AGTPBP1: variants seen among roughly 807,000 people sequenced by gnomAD.
The protein encoded by AGTPBP1 is cytosolic carboxypeptidase 1.
AGTPBP1 carries 70 observed loss-of-function variants against 143.9 expected under a neutral mutation model. The observed-to-expected ratio is 0.49, with a 90% CI of 0.40 to 0.59. The LOEUF is 0.59. Ranked by LOEUF, AGTPBP1 falls within the 20% of genes least tolerant of loss-of-function variation. AGTPBP1 has a pLI of 0.00. For missense variants in AGTPBP1, 1,229 were observed against 1,464.5 expected (o/e 0.84, Z 2.62); for synonymous variants, 463 against 500.2 (o/e 0.93, Z 0.99).
At chr9:85,800,462 C>CA in the AGTPBP1 span, among the ~76,000 whole-genome samples, 4 of 152,312 alleles carry the variant, frequency 2.6e-5, no homozygotes, top group Admixed American at 2.6e-4. Context: ...AGTGATCACT[C>CA]ATCCATCTGC....
chr9:85,740,490 G>A (rs1043981221), intron 1 of AGTPBP1, among the ~76,000 whole-genome samples: 2 of 152,142 alleles, frequency 1.3e-5, no homozygotes, highest in African/African-American at 4.8e-5. Flanking sequence ...GTTTTGTTTG[G>A]TTTTGACATT....
chr9:85,712,396 ATTATAC>A (rs1837436621), intron 2 of AGTPBP1, 100 bp downstream of exon 2: 2 of 540,822 alleles, frequency 3.7e-6, no homozygotes, highest in Non-Finnish European at 6.2e-6. Flanking sequence ...AATATAACAT[ATTATAC>A]TTAAACACAA....
intron 25 of AGTPBP1, among the ~76,000 whole-genome samples, chr9:85,552,379 C>T (rs919414982): frequency 6.6e-6 from 1 of 152,138 alleles, no homozygotes; most frequent in African/African-American, 2.4e-5. Flanking sequence ...AAAAATTCAC[C>T]ATTCTCCCTC....
chr9:85,643,059 A>G lies in AGTPBP1; in HGVS notation c.1186-116T>C, dbSNP rs1434731574. 22 of 689,548 alleles carry G rather than the reference A, an allele frequency of 3.2e-5. No homozygotes were observed. In the Admixed American group the frequency reaches 5.2e-4, roughly 16 times the overall value. The allele number at this position is 689,548 out of a possible 1,614,324, so 42.7% of individuals were successfully genotyped here. A position where few individuals can be genotyped will look rare whatever the true frequency, so the allele number is the denominator to read the frequency against. On this transcript the variant is annotated intron_variant, in intron 12 of 25. Coordinates refer to ENST00000357081, the MANE Select transcript of AGTPBP1 (RefSeq NM_001330701.2). ...AATTACATGTAATTAAAGAATAATT[A>G]CTGAATAAATACTGCATTAATTTTA...
intron 14 of AGTPBP1, 60 bp downstream of exon 14, chr9:85,632,602 A>C (rs1357955772): frequency 1.4e-6 from 2 of 1,403,792 alleles, no homozygotes; most frequent in Admixed American, 4.8e-5. Flanking sequence ...AATTTTTTTA[A>C]GACTGCCTCA....
intron 20 of AGTPBP1, among the ~76,000 whole-genome samples, chr9:85,589,097 A>G (rs1233657782): frequency 1.3e-5 from 2 of 152,174 alleles, no homozygotes; most frequent in Non-Finnish European, 2.9e-5. Flanking sequence ...CATTTGAGGC[A>G]ATTTAAAAAA....
chr9:85,729,672 C>T (rs1167950758), intron 1 of AGTPBP1, among the ~76,000 whole-genome samples: 3 of 150,778 alleles, frequency 2.0e-5, no homozygotes, highest in Non-Finnish European at 4.4e-5. Flanking sequence ...ACATAAGAAA[C>T]ACAACTCAAT....
chr9:85,694,567 C>T (rs1836108285), intron 2 of AGTPBP1, among the ~76,000 whole-genome samples: 1 of 152,148 alleles, frequency 6.6e-6, no homozygotes, highest in African/African-American at 2.4e-5. Flanking sequence ...AACACACTTT[C>T]TTCTTTGGGA....
At chr9:85,783,062 T>C in the AGTPBP1 span, among the ~76,000 whole-genome samples, 1 of 152,182 alleles carries the variant, frequency 6.6e-6, no homozygotes, top group Non-Finnish European at 1.5e-5. Flanking sequence ...CCGAGTCTAC[T>C]AGACATTTCT....
At chr9:85,555,813 A>G (rs1398217532) in intron 25 of AGTPBP1, among the ~76,000 whole-genome samples, 1 of 152,250 alleles carries the variant, frequency 6.6e-6, no homozygotes, top group Non-Finnish European at 1.5e-5. Context: ...TTGTAAGCAG[A>G]CATGCACTAA....
At chr9:85,608,102 C>T (rs1402020318) in intron 17 of AGTPBP1, among the ~76,000 whole-genome samples, 3 of 151,984 alleles carry the variant, frequency 2.0e-5, no homozygotes, top group African/African-American at 7.2e-5. Context: ...CAGAATATAA[C>T]AAACTTTAAA....
At chr9:85,764,757 A>G in the AGTPBP1 span, 2 of 1,308,844 alleles carry the variant, frequency 1.5e-6, no homozygotes, top group East Asian at 2.3e-5. Context: ...AACTTAATGG[A>G]ACAAGACTTC....
chr9:85,633,038 CTGTTTG>C lies in AGTPBP1; in HGVS notation c.1633_1638del (p.Gln545_Thr546del). 6.2e-7 allele frequency: 1 copy of C among 1,614,124 alleles called. No homozygotes were observed. Among genetic ancestry groups the C allele is most frequent in the Non-Finnish European group, 8.5e-7 (1 of 1,180,016 alleles). ...TTCATTTCTGCAGTAAAACCTGGGGCTGTTTGAGAAGGAATATTCTGCAATGTAATT... is the reference window on the plus strand; with the variant it reads ...TTCATTTCTGCAGTAAAACCTGGGGCAGAAGGAATATTCTGCAATGTAATT... On this transcript the variant is annotated inframe_deletion, in exon 14 of 26. Coordinates refer to ENST00000357081, the MANE Select transcript of AGTPBP1 (RefSeq NM_001330701.2).
intron 2 of AGTPBP1, among the ~76,000 whole-genome samples, chr9:85,696,657 A>G (rs1257866663): frequency 1.3e-5 from 2 of 150,956 alleles, no homozygotes; most frequent in Admixed American, 6.6e-5. Context: ...ACAGAGCAAG[A>G]CTCCGTCTCA....
At chr9:85,754,390 C>T in the AGTPBP1 span, among the ~76,000 whole-genome samples, 1 of 152,156 alleles carries the variant, frequency 6.6e-6, no homozygotes, top group East Asian at 1.9e-4. Context: ...CGGGGTTTCA[C>T]CATGTTAGCC....
intron 1 of AGTPBP1, among the ~76,000 whole-genome samples, chr9:85,730,503 C>G (rs1838807501): frequency 6.6e-6 from 1 of 152,168 alleles, no homozygotes; most frequent in Non-Finnish European, 1.5e-5. Flanking sequence ...GATGGTTCTT[C>G]TACCACCAGG....
At chr9:85,652,533 CCACT>C (rs1411048355) in intron 11 of AGTPBP1, among the ~76,000 whole-genome samples, 2 of 152,016 alleles carry the variant, frequency 1.3e-5, no homozygotes, top group African/African-American at 4.8e-5. Context: ...AAACAACACA[CCACT>C]CAGAGTTTCT....
intron 11 of AGTPBP1, among the ~76,000 whole-genome samples, chr9:85,651,522 G>C (rs986289138): frequency 6.6e-6 from 1 of 151,942 alleles, no homozygotes; most frequent in Non-Finnish European, 1.5e-5. Flanking sequence ...CAACTATTTA[G>C]TATTATATAG....
chr9:85,699,117 A>C (rs906501582), intron 2 of AGTPBP1, among the ~76,000 whole-genome samples: 1 of 151,964 alleles, frequency 6.6e-6, no homozygotes, highest in Non-Finnish European at 1.5e-5. Context: ...AATCAAGTTA[A>C]CTTCAAATGC....
Sources: gnomAD v4.1 joint callset for allele counts (sites outside exome capture counted in the v4.1 genomes callset) on GRCh38, gnomAD v4.1.1 for gene constraint, MANE v1.5 for transcripts, NCBI Gene and HGNC (gene_info 2026-07-23, HGNC 2026-07-21) for gene names.